Variants in WWOX observed in about 807,000 individuals in gnomAD.
WWOX encodes the protein WW domain-containing oxidoreductase.
In WWOX, 69 loss-of-function variants were observed where a neutral mutation model predicts 46.2. That is an observed-to-expected ratio of 1.49 (90% CI 1.23 to 1.82). WWOX has a LOEUF of 1.82. WWOX is among the 40% of genes most tolerant of loss of function. The pLI, the probability that WWOX is intolerant of heterozygous loss-of-function variation, is 0.00. For missense variants in WWOX, 919 were observed against 542.6 expected, an observed-to-expected ratio of 1.69 and a Z score of -6.89; for synonymous variants, 359 against 202.6, an observed-to-expected ratio of 1.77 and a Z score of -6.56.
intron 6 of WWOX, among the ~76,000 whole-genome samples, chr16:78,394,051 TGG>T (rs2082235052): frequency 6.6e-6 from 1 of 152,134 alleles, no homozygotes; most frequent in African/African-American, 2.4e-5. Context: ...GGGAAGTGGG[TGG>T]GCTATAAATT....
At chr16:78,776,959 G>C (rs567598149) in intron 8 of WWOX, among the ~76,000 whole-genome samples, 24 of 152,276 alleles carry the variant, frequency 1.6e-4, no homozygotes, top group African/African-American at 5.5e-4. Flanking sequence ...TTCGAGATGA[G>C]ATTTGGGTGG....
At chr16:78,390,539 A>G (rs1203983204) in intron 6 of WWOX, among the ~76,000 whole-genome samples, 1 of 152,178 alleles carries the variant, frequency 6.6e-6, no homozygotes, top group African/African-American at 2.4e-5. Context: ...AGAGTACAGG[A>G]TTTTACATGG....
At chr16:79,023,233 C>G (rs973404905) in intron 8 of WWOX, among the ~76,000 whole-genome samples, 2 of 152,184 alleles carry the variant, frequency 1.3e-5, no homozygotes, top group African/African-American at 4.8e-5. Context: ...GGAAGGCTGT[C>G]AAGCTGTGTA....
chr16:79,044,944 A>C lies in WWOX; in HGVS notation c.1057-166664A>C, dbSNP rs1346439596. On this transcript the variant is annotated intron_variant, in intron 8 of 8. Transcript: ENST00000566780. ...ATTTCATAGAGTTGCTACAATAATC[A>C]ATGAGATAATGTGCATAAAGATTTA... Among the ~76,000 whole-genome samples, 7 of 152,290 alleles carry C rather than the reference A, an allele frequency of 4.6e-5. No individual in the cohort carries two copies. The East Asian group carries it at 1.4e-3, about 29-fold the overall frequency.
At chr16:78,407,832 C>A (rs1031853609) in intron 6 of WWOX, among the ~76,000 whole-genome samples, 1 of 152,194 alleles carries the variant, frequency 6.6e-6, no homozygotes, top group African/African-American at 2.4e-5. Flanking sequence ...CTTACCACAT[C>A]TTGAGTCTGG....
chr16:78,498,568 G>C (rs1160019621), intron 8 of WWOX, among the ~76,000 whole-genome samples: 1 of 152,156 alleles, frequency 6.6e-6, no homozygotes, highest in Non-Finnish European at 1.5e-5. Context: ...TTGGCCTAAA[G>C]GGTAATGAGC....
intron 8 of WWOX, among the ~76,000 whole-genome samples, chr16:78,643,301 A>T (rs930113112): frequency 6.6e-6 from 1 of 152,218 alleles, no homozygotes. Flanking sequence ...TATTTGGCTA[A>T]CGAAAACAAC....
At chr16:78,966,740 T>C (rs1021014877) in intron 8 of WWOX, among the ~76,000 whole-genome samples, 2 of 152,340 alleles carry the variant, frequency 1.3e-5, no homozygotes, top group Non-Finnish European at 1.5e-5. Context: ...ACTCTTTTCA[T>C]GGTCTGCTGA....
chr16:78,384,394 G>C (rs529241476), intron 5 of WWOX, among the ~76,000 whole-genome samples: 9 of 152,290 alleles, frequency 5.9e-5, no homozygotes, highest in African/African-American at 2.2e-4. Context: ...TGAGGCATCA[G>C]CGTCTCTGTG....
intron 8 of WWOX, among the ~76,000 whole-genome samples, chr16:78,992,055 G>A (rs953508516): frequency 6.6e-6 from 1 of 152,144 alleles, no homozygotes; most frequent in Admixed American, 6.6e-5. Context: ...TCACATGCAT[G>A]CATTAATTCG....
chr16:78,597,950 G>A (rs182390428), intron 8 of WWOX, among the ~76,000 whole-genome samples: 8 of 151,896 alleles, frequency 5.3e-5, no homozygotes, highest in East Asian at 3.9e-4. Context: ...CATGTTTTGC[G>A]GTATGCCCTT....
chr16:78,475,336 G>T (rs965477407), intron 8 of WWOX, among the ~76,000 whole-genome samples: 2 of 152,188 alleles, frequency 1.3e-5, no homozygotes, highest in African/African-American at 2.4e-5. Flanking sequence ...ACCCAGATTG[G>T]CTGCATCAGC....
intron 8 of WWOX, among the ~76,000 whole-genome samples, chr16:78,820,873 C>T (rs937709300): frequency 6.6e-6 from 1 of 152,110 alleles, no homozygotes; most frequent in Non-Finnish European, 1.5e-5. Flanking sequence ...TTCTTGATGT[C>T]CCTTGGCTTG....
intron 8 of WWOX, among the ~76,000 whole-genome samples, chr16:78,838,015 A>G (rs754475943): frequency 6.6e-6 from 1 of 152,150 alleles, no homozygotes; most frequent in African/African-American, 2.4e-5. Flanking sequence ...TCCCAAGGCT[A>G]TTCTCATTTT....
intron 1 of WWOX, 138 bp from the exon 2 acceptor site, chr16:78,108,285 C>G (rs1046478773): frequency 8.4e-6 from 7 of 837,004 alleles, no homozygotes; most frequent in Non-Finnish European, 1.1e-5. Flanking sequence ...TAGCTGGGGT[C>G]ACAGTCCTCT....
intron 5 of WWOX, chr16:78,270,267 G>A (rs1386293006): frequency 6.6e-6 from 1 of 152,154 alleles, no homozygotes; most frequent in Non-Finnish European, 1.5e-5. Context: ...CAGAAGTGCT[G>A]GCAGCTTTGG....
chr16:78,706,518 T>C (rs907075390), intron 8 of WWOX, among the ~76,000 whole-genome samples: 5 of 152,200 alleles, frequency 3.3e-5, no homozygotes, highest in Non-Finnish European at 5.9e-5. Context: ...TTTCCCTTTA[T>C]ATTCTTTCAT....
At chr16:78,598,588 A>G (rs1413933213) in intron 8 of WWOX, among the ~76,000 whole-genome samples, 3 of 152,162 alleles carry the variant, frequency 2.0e-5, no homozygotes, top group Non-Finnish European at 4.4e-5. Flanking sequence ...GGTGACGCCA[A>G]CACACCTCCT....
chr16:78,653,883 T>G (rs956771950), intron 8 of WWOX, among the ~76,000 whole-genome samples: 2 of 152,218 alleles, frequency 1.3e-5, no homozygotes, highest in Non-Finnish European at 2.9e-5. Context: ...CGTTGTCTAT[T>G]ACATGCAGCA....
Sources: gnomAD v4.1 joint callset for allele counts (sites outside exome capture counted in the v4.1 genomes callset) on GRCh38, gnomAD v4.1.1 for gene constraint, MANE v1.5 for transcripts, NCBI Gene and HGNC (gene_info 2026-07-23, HGNC 2026-07-21) for gene names.